VSNL1: variants seen among roughly 807,000 people sequenced by gnomAD.
VSNL1 encodes visinin like 1.
Under a neutral mutation model 20.4 loss-of-function variants are expected in VSNL1, and 6 were observed. The ratio of observed to expected loss-of-function variants is 0.29; its 90% CI spans 0.16 to 0.58. VSNL1 has a LOEUF of 0.58. Ranked by LOEUF, VSNL1 falls within the 20% of genes least tolerant of loss-of-function variation. VSNL1 has a pLI of 0.90. For synonymous variants in VSNL1, 93 were observed against 86.4 expected (o/e 1.08, Z -0.42); for missense variants, 100 against 234.5 (o/e 0.43, Z 3.75).
chr2:17,651,053 T>C (rs1239980519), intron 3 of VSNL1, among the ~76,000 whole-genome samples: 1 of 152,238 alleles, frequency 6.6e-6, no homozygotes, highest in Non-Finnish European at 1.5e-5. Context: ...TCTTCCACAC[T>C]TAACTTGGCT....
chr2:17,624,281 G>A (rs920993473), intron 2 of VSNL1, among the ~76,000 whole-genome samples: 2 of 152,164 alleles, frequency 1.3e-5, no homozygotes, highest in African/African-American at 4.8e-5. Flanking sequence ...AGGCTCACTC[G>A]CTGGGAAACC....
chr2:17,623,238 A>G (rs898226700), intron 2 of VSNL1, among the ~76,000 whole-genome samples: 1 of 152,222 alleles, frequency 6.6e-6, no homozygotes. Context: ...CGAAGAGTAA[A>G]GAGCTGAGAG....
chr2:17,652,970 C>T (rs1233739854), intron 3 of VSNL1, among the ~76,000 whole-genome samples: 2 of 152,200 alleles, frequency 1.3e-5, no homozygotes, highest in Non-Finnish European at 2.9e-5. Context: ...GGTTCATCTA[C>T]TTTGTTTCCC....
intron 2 of VSNL1, among the ~76,000 whole-genome samples, chr2:17,601,771 C>G (rs1430676293): frequency 6.6e-6 from 1 of 151,994 alleles, no homozygotes; most frequent in African/African-American, 2.4e-5. Context: ...CCCGTCTCTA[C>G]TAGAAATACA....
Position 17,634,720 on chromosome 2 carries a change from A to T in VSNL1, c.163-14690A>T, listed in dbSNP as rs1410983878. On this transcript the variant is annotated intron_variant, in intron 2 of 3. Coordinates refer to ENST00000295156, the MANE Select transcript of VSNL1 (RefSeq NM_003385.5). The surrounding 1 kb of genome is among the most constrained non-coding windows in gnomAD (Gnocchi z 4.3). ...TATGTTCGTTTTTTGTTTTGCTGAG[A>T]TCACAACTGCCAAAGAAGAGAAAAT... Among the ~76,000 whole-genome samples the T allele has an allele frequency of 6.6e-6, 1 of 152,154 alleles. No individual in the cohort carries two copies. Among genetic ancestry groups the T allele is most frequent in the East Asian group, 1.9e-4 (1 of 5,192 alleles).
At chr2:17,611,468 A>G (rs1665084859) in intron 2 of VSNL1, among the ~76,000 whole-genome samples, 1 of 152,212 alleles carries the variant, frequency 6.6e-6, no homozygotes, top group Admixed American at 6.5e-5. Context: ...GCTTGAATAG[A>G]GATAAGATGA....
At chr2:17,588,592 G>C (rs1356541309) in intron 1 of VSNL1, among the ~76,000 whole-genome samples, 1 of 152,230 alleles carries the variant, frequency 6.6e-6, no homozygotes, top group Non-Finnish European at 1.5e-5. Context: ...TATAGGTGGA[G>C]AGTATTAATC....
Position 17,634,182 on chromosome 2 carries a change from C to T in VSNL1, c.163-15228C>T, listed in dbSNP as rs1665701219. Reference sequence around the variant, plus strand: ...GTTAAGGCCTAGACTTGCAGATGCGCTCACTCATTGTAACAGCAGTGTGCA... The same window carrying T: ...GTTAAGGCCTAGACTTGCAGATGCGTTCACTCATTGTAACAGCAGTGTGCA... On this transcript the variant is annotated intron_variant, in intron 2 of 3. Transcript: ENST00000295156. The surrounding 1 kb of genome is among the most constrained non-coding windows in gnomAD (Gnocchi z 4.3). 6.6e-6 allele frequency among the ~76,000 whole-genome samples: 1 copy of T among 152,184 alleles called. No homozygotes were observed. The highest frequency in any genetic ancestry group is 1.5e-5 in the Non-Finnish European group (1 of 68,044).
intron 1 of VSNL1, among the ~76,000 whole-genome samples, chr2:17,577,164 A>G (rs1177431753): frequency 1.3e-5 from 2 of 152,238 alleles, no homozygotes; most frequent in African/African-American, 4.8e-5. Context: ...TTATACTTTT[A>G]TGGGACCACC....
intron 2 of VSNL1, among the ~76,000 whole-genome samples, chr2:17,604,823 T>C (rs1186937937): frequency 1.2e-4 from 18 of 152,328 alleles, no homozygotes. Context: ...ATTTGGGTGG[T>C]TTCTTTTTTT....
At chr2:17,570,598 A>T (rs1664056591) in intron 1 of VSNL1, among the ~76,000 whole-genome samples, 1 of 152,220 alleles carries the variant, frequency 6.6e-6, no homozygotes, top group Admixed American at 6.5e-5. Flanking sequence ...ATAAAAGTAG[A>T]TACTATTTAT....
chr2:17,601,639 AAAAT>A (rs1347669637), intron 2 of VSNL1, among the ~76,000 whole-genome samples: 1 of 150,844 alleles, frequency 6.6e-6, no homozygotes, highest in Non-Finnish European at 1.5e-5. Flanking sequence ...CCATCTCAAA[AAAAT>A]AAATAAATAG....
At position 17,629,306 on chromosome 2, in the gene VSNL1, G is replaced by A. The variant is rs964066003; in HGVS notation, c.163-20104G>A. Among the ~76,000 whole-genome samples the A allele has an allele frequency of 5.1e-4, 78 of 152,296 alleles. 1 individual carries two copies. Among genetic ancestry groups the A allele is most frequent in the Admixed American group, 5.0e-3 (77 of 15,290 alleles). ...AAACCATATGCCCCTTCCGTGTTACGTAGGGCAACACTAGCCACTTCACAG... is the reference window on the plus strand; with the variant it reads ...AAACCATATGCCCCTTCCGTGTTACATAGGGCAACACTAGCCACTTCACAG... On this transcript the variant is annotated intron_variant, in intron 2 of 3. Coordinates refer to ENST00000295156, the MANE Select transcript of VSNL1 (RefSeq NM_003385.5).
At chr2:17,635,151 G>A (rs1172460335) in intron 2 of VSNL1, among the ~76,000 whole-genome samples, 5 of 152,152 alleles carry the variant, frequency 3.3e-5, no homozygotes, top group African/African-American at 1.2e-4. Flanking sequence ...CAAAAAGGAG[G>A]AGGAGAAGGG....
chr2:17,562,652 C>T (rs180842553), intron 1 of VSNL1, among the ~76,000 whole-genome samples: 1 of 152,246 alleles, frequency 6.6e-6, no homozygotes, highest in South Asian at 2.1e-4. Flanking sequence ...GTACCTACCT[C>T]TAAACGTCGT....
chr2:17,608,334 C>T (rs1665002618), intron 2 of VSNL1, among the ~76,000 whole-genome samples: 1 of 152,106 alleles, frequency 6.6e-6, no homozygotes, highest in East Asian at 1.9e-4. Flanking sequence ...ACATGTCTAC[C>T]AGGAGCACGA....
At chr2:17,578,563 C>G (rs1664272476) in intron 1 of VSNL1, among the ~76,000 whole-genome samples, 1 of 152,158 alleles carries the variant, frequency 6.6e-6, no homozygotes, top group Non-Finnish European at 1.5e-5. Context: ...TTTGTCATCC[C>G]CACAGGGTGC....
chr2:17,579,978 A>C (rs1226268857), intron 1 of VSNL1, among the ~76,000 whole-genome samples: 5 of 152,186 alleles, frequency 3.3e-5, no homozygotes, highest in African/African-American at 4.8e-5. Context: ...TGTGATCGGG[A>C]GACACAGTGC....
chr2:17,654,413 T>G (rs182654430), intron 3 of VSNL1, among the ~76,000 whole-genome samples: 1 of 152,332 alleles, frequency 6.6e-6, no homozygotes, highest in East Asian at 1.9e-4. Context: ...TCTTACTAGA[T>G]TCTAAGTTTC....
Sources: allele counts gnomAD v4.1 joint callset (sites outside exome capture counted in the v4.1 genomes callset), GRCh38; gene constraint gnomAD v4.1.1; non-coding constraint Gnocchi (gnomAD v3.1); transcripts MANE v1.5; gene names NCBI Gene and HGNC (gene_info 2026-07-23, HGNC 2026-07-21).